HYCC1: variants seen among roughly 807,000 people sequenced by gnomAD.
HYCC1 encodes the protein hyccin PI4KA lipid kinase complex subunit 1, also known as hyccin.
At chr7:22,901,694 T>A in the HYCC1 span, among the ~76,000 whole-genome samples, 26 of 152,060 alleles carry the variant, frequency 1.7e-4, no homozygotes, top group Admixed American at 5.9e-4. Context: ...AAAGAGAATA[T>A]ATCAGAAATA....
the HYCC1 span, among the ~76,000 whole-genome samples, chr7:22,984,258 A>G: frequency 4.6e-5 from 7 of 152,160 alleles, no homozygotes; most frequent in Admixed American, 3.9e-4. Flanking sequence ...AATATATCAA[A>G]AACCAAGGCA....
the HYCC1 span, among the ~76,000 whole-genome samples, chr7:23,013,655 A>T: frequency 6.6e-6 from 1 of 150,824 alleles, no homozygotes; most frequent in African/African-American, 2.4e-5. Flanking sequence ...GCCGCCCTCC[A>T]GGCAGCGGGC....
chr7:22,928,045 A>C, the HYCC1 span, among the ~76,000 whole-genome samples: 3 of 152,248 alleles, frequency 2.0e-5, no homozygotes, highest in Non-Finnish European at 2.9e-5. Flanking sequence ...GAAAATCAAT[A>C]AACGTAATCC....
chr7:22,976,871 A>T, the HYCC1 span: 1 of 902,924 alleles, frequency 1.1e-6, no homozygotes, highest in Non-Finnish European at 1.8e-6. Flanking sequence ...TGATATATAG[A>T]ATATATATAT....
At chr7:22,899,233 G>A in the HYCC1 span, among the ~76,000 whole-genome samples, 2 of 152,116 alleles carry the variant, frequency 1.3e-5, no homozygotes, top group African/African-American at 4.8e-5. Context: ...TTTCCACCCA[G>A]ACTCCCCATG....
the HYCC1 span, among the ~76,000 whole-genome samples, chr7:22,929,872 G>T: frequency 6.6e-6 from 1 of 152,114 alleles, no homozygotes; most frequent in South Asian, 2.1e-4. Flanking sequence ...AAATCATGCT[G>T]CTATAAAGAC....
At chr7:22,978,818 G>A in the HYCC1 span, among the ~76,000 whole-genome samples, 3 of 152,078 alleles carry the variant, frequency 2.0e-5, no homozygotes, top group Admixed American at 2.0e-4. Flanking sequence ...ATTGGCCCTG[G>A]ATAATCTAAA....
At chr7:22,936,167 C>T in the HYCC1 span, 2 of 151,794 alleles carry the variant, frequency 1.3e-5, no homozygotes, top group Admixed American at 1.3e-4. Flanking sequence ...TTAGGGAAGG[C>T]AAACTTAAAG....
At chr7:22,933,989 T>C in the HYCC1 span, among the ~76,000 whole-genome samples, 1 of 152,172 alleles carries the variant, frequency 6.6e-6, no homozygotes, top group African/African-American at 2.4e-5. Flanking sequence ...AATCATTCAG[T>C]TGACTTGAAG....
At chr7:22,918,581 G>A in the HYCC1 span, among the ~76,000 whole-genome samples, 6 of 152,246 alleles carry the variant, frequency 3.9e-5, no homozygotes, top group South Asian at 4.1e-4. Flanking sequence ...AAGCCTGCAC[G>A]TATACATCCA....
At chr7:22,910,084 G>A in the HYCC1 span, among the ~76,000 whole-genome samples, 1 of 152,222 alleles carries the variant, frequency 6.6e-6, no homozygotes. Context: ...AAATATGTAA[G>A]GCTATTAATA....
chr7:22,960,435 T>A, the HYCC1 span: 2 of 1,599,864 alleles, frequency 1.3e-6, no homozygotes, highest in Non-Finnish European at 1.7e-6. Context: ...AAAAATATAG[T>A]TTAAGATCAA....
At chr7:22,929,574 C>CA in the HYCC1 span, among the ~76,000 whole-genome samples, 2 of 152,012 alleles carry the variant, frequency 1.3e-5, no homozygotes, top group Admixed American at 6.6e-5. Flanking sequence ...TTTATGCAGC[C>CA]AAAAAACACG....
At chr7:22,950,359 A>C in the HYCC1 span, among the ~76,000 whole-genome samples, 1 of 152,018 alleles carries the variant, frequency 6.6e-6, no homozygotes, top group Admixed American at 6.6e-5. Flanking sequence ...TTCCATGAGG[A>C]AGGAGTTTTT....
chr7:22,949,946 G>A, the HYCC1 span, among the ~76,000 whole-genome samples: 3 of 152,036 alleles, frequency 2.0e-5, no homozygotes. Context: ...TATAAGAAGA[G>A]CAAGTAATTC....
the HYCC1 span, among the ~76,000 whole-genome samples, chr7:22,926,128 A>G: frequency 6.6e-6 from 1 of 152,198 alleles, no homozygotes; most frequent in African/African-American, 2.4e-5. Context: ...AGACAAGCAA[A>G]TGCTGAGAGA....
chr7:22,976,273 T>C, the HYCC1 span: 4 of 1,613,032 alleles, frequency 2.5e-6, no homozygotes, highest in East Asian at 2.2e-5. Context: ...GGCAGCATTG[T>C]AACACAACAA....
At chr7:22,902,250 A>C in the HYCC1 span, among the ~76,000 whole-genome samples, 1 of 152,138 alleles carries the variant, frequency 6.6e-6, no homozygotes, top group Non-Finnish European at 1.5e-5. Context: ...TAGAACACAT[A>C]AAAATATATG....
At chr7:22,967,782 A>G in the HYCC1 span, among the ~76,000 whole-genome samples, 1 of 152,300 alleles carries the variant, frequency 6.6e-6, no homozygotes, top group Non-Finnish European at 1.5e-5. Context: ...AGAAGAGTGG[A>G]TAATTATTTC....
Sources: gnomAD v4.1 joint callset for allele counts (sites outside exome capture counted in the v4.1 genomes callset) on GRCh38, gnomAD v4.1.1 for gene constraint, MANE v1.5 for transcripts, NCBI Gene and HGNC (gene_info 2026-07-23, HGNC 2026-07-21) for gene names.